The following UNC13B variants were observed in gnomAD, a reference collection of about 807,000 sequenced individuals.
UNC13B encodes the protein protein unc-13 homolog B.
UNC13B carries 144 observed loss-of-function variants against 211.0 expected under a neutral mutation model. That is an observed-to-expected ratio of 0.68 (90% CI 0.60 to 0.78). UNC13B has a LOEUF of 0.78. Among genes scored for constraint, UNC13B ranks in the 30% least tolerant of loss-of-function variants. UNC13B has a pLI of 0.00. For missense variants in UNC13B, 1,777 were observed against 2,002.0 expected, an observed-to-expected ratio of 0.89 and a Z score of 2.14; for synonymous variants, 709 against 725.8, an observed-to-expected ratio of 0.98 and a Z score of 0.37.
Position 35,169,801 on chromosome 9 carries a change from T to C in UNC13B, c.22+7496T>C, listed in dbSNP as rs374676159. 1.9e-3 allele frequency among the ~76,000 whole-genome samples: 282 copies of C among 152,360 alleles called. 8 individuals carry two copies. In the South Asian group the frequency reaches 0.057, roughly 31 times the overall value. ...TATTCTGTAATTTAGTTTCTAAAAATGGGGTTTCTGAAAGTTGGGCTCTTT... is the reference window on the plus strand; with the variant it reads ...TATTCTGTAATTTAGTTTCTAAAAACGGGGTTTCTGAAAGTTGGGCTCTTT... On this transcript the variant is annotated intron_variant, in intron 1 of 39. Transcript: ENST00000635942.
intron 5 of UNC13B, among the ~76,000 whole-genome samples, chr9:35,241,997 T>C (rs2131552456): frequency 6.6e-6 from 1 of 152,242 alleles, no homozygotes; most frequent in Middle Eastern, 3.4e-3. Context: ...TACTAGAAAG[T>C]GTATCTGTTG....
chr9:35,253,330 T>TG (rs1826626228), intron 6 of UNC13B, among the ~76,000 whole-genome samples: 1 of 151,912 alleles, frequency 6.6e-6, no homozygotes, highest in South Asian at 2.1e-4. Flanking sequence ...TTTGTGGAGG[T>TG]GGGGTCTTGC....
intron 11 of UNC13B, among the ~76,000 whole-genome samples, chr9:35,329,511 A>G (rs1831246968): frequency 6.7e-6 from 1 of 149,474 alleles, no homozygotes; most frequent in Non-Finnish European, 1.5e-5. Context: ...TTTTTGAGAT[A>G]GGGTCTCACT....
rs570824958 is a variant in UNC13B, at chr9:35,234,217, A to G, written c.153-2252A>G. 2.3e-4 allele frequency among the ~76,000 whole-genome samples: 35 copies of G among 152,156 alleles called. 1 individual carries two copies. The South Asian group carries it at 6.2e-3, about 27-fold the overall frequency. Reference sequence around the variant, plus strand: ...TGCAGCCTTGATCTCCTGGGCTCAAATGATTTTCCTGCCTCAGCCTCCTGA... The same window carrying G: ...TGCAGCCTTGATCTCCTGGGCTCAAGTGATTTTCCTGCCTCAGCCTCCTGA... On this transcript the variant is annotated intron_variant, in intron 3 of 39. Transcript: ENST00000635942.
chr9:35,193,019 C>G (rs1175946853), intron 1 of UNC13B, among the ~76,000 whole-genome samples: 1 of 152,152 alleles, frequency 6.6e-6, no homozygotes, highest in Non-Finnish European at 1.5e-5. Context: ...TGACCCCCAG[C>G]CATGGAACCA....
chr9:35,392,908 A>C lies in UNC13B; in HGVS notation c.11308+2194A>C, dbSNP rs1284285533. Among the ~76,000 whole-genome samples, 5 of 152,230 alleles carry C rather than the reference A, an allele frequency of 3.3e-5. No homozygotes were observed. In the East Asian group the frequency reaches 5.8e-4, roughly 18 times the overall value. ...AACATTATTAAGGTATCATTTATAG[A>C]CAATACAATAAGACCACTTTAAGAA... On this transcript the variant is annotated intron_variant, in intron 26 of 39. Transcript: ENST00000635942.
chr9:35,353,924 A>G (rs140728156), intron 11 of UNC13B: 8,183 of 577,536 alleles, frequency 0.014, 79 homozygotes, highest in Middle Eastern at 0.018. Context: ...TGACGTCCAT[A>G]GCTTGAATCA....
At chr9:35,262,457 C>T (rs1827335573) in intron 7 of UNC13B, among the ~76,000 whole-genome samples, 1 of 152,028 alleles carries the variant, frequency 6.6e-6, no homozygotes, top group Admixed American at 6.6e-5. Flanking sequence ...GCTAGAACTA[C>T]AGGCCATGCT....
Position 35,398,610 on chromosome 9 carries a change from T to C in UNC13B, c.11889T>C (p.Val3963=). 2.5e-6 allele frequency: 4 copies of C among 1,614,032 alleles called. No homozygotes were observed. In the South Asian group the frequency reaches 3.3e-5, roughly 13 times the overall value. The change falls in exon 32 of 40, where the codon GTT becomes GTC. Residue 3963 remains valine, a synonymous_variant. Transcript: ENST00000635942. ...LKELQVKLNT[V]LDELSMVFGN... The stretch of plus-strand genomic sequence containing the variant: ...AGCTGCAGGTGAAACTGAATACGGT[T>C]CTGGATGAGCTCAGCATGGTGTTTG...
chr9:35,183,263 C>A lies in UNC13B; in HGVS notation c.22+20958C>A, dbSNP rs1425190515. On this transcript the variant is annotated intron_variant, in intron 1 of 39. Transcript: ENST00000635942. ...ACGAAGGGCGGCCGGGCAGAGGAGCCCCTCACCTCCCAGGCGGGGTGGCCG... is the reference window on the plus strand; with the variant it reads ...ACGAAGGGCGGCCGGGCAGAGGAGCACCTCACCTCCCAGGCGGGGTGGCCG... Among the ~76,000 whole-genome samples the A allele has an allele frequency of 8.5e-5, 11 of 130,038 alleles. 1 individual carries two copies. The highest frequency in any genetic ancestry group is 3.0e-4 in the African/African-American group (10 of 33,448). 85.3% of individuals were successfully genotyped at this position (130,038 alleles called of 152,430 possible).
chr9:35,218,790 C>A (rs916252508), intron 1 of UNC13B, among the ~76,000 whole-genome samples: 1 of 151,114 alleles, frequency 6.6e-6, no homozygotes, highest in African/African-American at 2.4e-5. Flanking sequence ...GCTCTTGTTG[C>A]CCAGGCTGGA....
In UNC13B at chr9:35,240,413, G is replaced by T. The variant is rs1825742894; in HGVS notation, c.394+2587G>T. 2.0e-5 allele frequency among the ~76,000 whole-genome samples: 3 copies of T among 152,044 alleles called. No individual in the cohort carries two copies. In the South Asian group the frequency reaches 6.2e-4, roughly 32 times the overall value. On this transcript the variant is annotated intron_variant, in intron 5 of 39. Coordinates refer to ENST00000635942, the MANE Select transcript of UNC13B (RefSeq NM_001371189.2). ...TAAGCAAAAATGACATGATTTTCCA[G>T]CTAGCTCAGAAAGAACTAAACTCAG...
chr9:35,328,802 C>G (rs544222267), intron 11 of UNC13B, among the ~76,000 whole-genome samples: 8 of 150,516 alleles, frequency 5.3e-5, no homozygotes, highest in African/African-American at 2.0e-4. Flanking sequence ...GAGTCTGGCT[C>G]TGTCGCCCAG....
chr9:35,259,953 G>A (rs1827166932), intron 7 of UNC13B, among the ~76,000 whole-genome samples: 1 of 137,244 alleles, frequency 7.3e-6, no homozygotes, highest in Non-Finnish European at 1.5e-5. Flanking sequence ...ATGGTTCCCA[G>A]CACTTTGGAA....
chr9:35,202,014 G>T (rs1428719321), intron 1 of UNC13B, among the ~76,000 whole-genome samples: 2 of 152,172 alleles, frequency 1.3e-5, no homozygotes, highest in African/African-American at 4.8e-5. Flanking sequence ...CTTTAAATGT[G>T]TACCAGAGAT....
intron 7 of UNC13B, among the ~76,000 whole-genome samples, chr9:35,276,685 T>C (rs756704134): frequency 3.3e-5 from 5 of 152,232 alleles, no homozygotes; most frequent in African/African-American, 4.8e-5. Context: ...ATGTGTAATA[T>C]AGAAAGTGAA....
At chr9:35,345,416 G>A (rs1832290158) in intron 11 of UNC13B, among the ~76,000 whole-genome samples, 1 of 152,116 alleles carries the variant, frequency 6.6e-6, no homozygotes, top group African/African-American at 2.4e-5. Context: ...CAGGATTTTT[G>A]CTGAAGGCAG....
At chr9:35,228,646 A>G (rs2131491688) in intron 2 of UNC13B, among the ~76,000 whole-genome samples, 1 of 152,166 alleles carries the variant, frequency 6.6e-6, no homozygotes, top group South Asian at 2.1e-4. Flanking sequence ...ATATTCAAAT[A>G]GACCATGTGA....
At chr9:35,340,604 G>A (rs1047162962) in intron 11 of UNC13B, among the ~76,000 whole-genome samples, 2 of 152,210 alleles carry the variant, frequency 1.3e-5, no homozygotes, top group African/African-American at 4.8e-5. Flanking sequence ...GGCAGCAGAA[G>A]TCACAAGGTT....
Sources: gnomAD v4.1 joint callset for allele counts (sites outside exome capture counted in the v4.1 genomes callset) on GRCh38, gnomAD v4.1.1 for gene constraint, MANE v1.5 for transcripts, NCBI Gene and HGNC (gene_info 2026-07-23, HGNC 2026-07-21) for gene names.